The following DCLK1 variants were observed in gnomAD, a reference collection of about 807,000 sequenced individuals.
DCLK1 encodes the protein doublecortin like kinase 1.
DCLK1 carries 16 observed loss-of-function variants against 86.2 expected under a neutral mutation model. That is an observed-to-expected ratio of 0.19 (90% CI 0.13 to 0.28). The LOEUF (loss-of-function observed/expected upper bound fraction) is 0.28, where lower values mean the gene tolerates loss of function less well. DCLK1 is among the 10% of genes least tolerant of loss of function. The pLI, the probability that DCLK1 is intolerant of heterozygous loss-of-function variation, is 1.00. For missense variants in DCLK1, 590 were observed against 940.2 expected (o/e 0.63, Z 4.87); for synonymous variants, 369 against 370.5 (o/e 1.00, Z 0.05).
chr13:35,839,201 T>A, intron 6 of DCLK1, 25 bp from the exon 7 acceptor site: 1 of 1,554,842 alleles, frequency 6.4e-7, no homozygotes, highest in Non-Finnish European at 8.7e-7. Context: ...AAACCGGTAA[T>A]TCAAAAACTG....
At chr13:35,848,356 T>G in intron 6 of DCLK1, 1 of 985,160 alleles carries the variant, frequency 1.0e-6, no homozygotes, top group African/African-American at 1.7e-5. Flanking sequence ...GAATTATGTT[T>G]TGCATAAAAA....
At chr13:35,828,189 C>T (rs1387287528) in intron 9 of DCLK1, 61 bp downstream of exon 9, 4 of 1,387,598 alleles carry the variant, frequency 2.9e-6, no homozygotes, top group African/African-American at 1.4e-5. Context: ...TGGGAGTGAT[C>T]TTTGTGTTTC....
chr13:35,895,513 T>C (rs1451164155), intron 4 of DCLK1, among the ~76,000 whole-genome samples: 3 of 152,192 alleles, frequency 2.0e-5, no homozygotes, highest in African/African-American at 4.8e-5. Flanking sequence ...CAATATGACA[T>C]GATGCACACG....
At chr13:35,890,617 G>A (rs1873584564) in intron 4 of DCLK1, among the ~76,000 whole-genome samples, 1 of 152,108 alleles carries the variant, frequency 6.6e-6, no homozygotes, top group Non-Finnish European at 1.5e-5. Context: ...ATCAATGAGG[G>A]CAGACTGACG....
In DCLK1 at chr13:35,774,433, G is replaced by A; in HGVS notation, c.*102C>T. On this transcript the variant is annotated 3_prime_UTR_variant, in exon 17 of 17. Coordinates refer to ENST00000360631, the MANE Select transcript of DCLK1 (RefSeq NM_001330071.2). The stretch of plus-strand genomic sequence containing the variant: ...CTTTCAGTTCTGCCATTCAAGCATT[G>A]AGCGCTAGATAGATCAGATGAAACT... 7.4e-6 allele frequency: 10 copies of A among 1,345,284 alleles called. No homozygotes were observed. The highest frequency in any genetic ancestry group is 1.0e-5 in the Non-Finnish European group (10 of 995,274). 83.3% of individuals were successfully genotyped at this position (1,345,284 alleles called of 1,614,324 possible).
At chr13:35,787,363 C>T (rs1314001509) in intron 16 of DCLK1, among the ~76,000 whole-genome samples, 1 of 151,836 alleles carries the variant, frequency 6.6e-6, no homozygotes, top group Non-Finnish European at 1.5e-5. Flanking sequence ...AACAGCCTCC[C>T]TAGAATTTCT....
chr13:36,107,862 GC>G (rs1262347398), intron 3 of DCLK1, among the ~76,000 whole-genome samples: 1 of 151,962 alleles, frequency 6.6e-6, no homozygotes, highest in Non-Finnish European at 1.5e-5. Context: ...ACTCCAAATG[GC>G]CTCTGGGAGT....
chr13:35,993,703 A>G lies in DCLK1; in HGVS notation c.724-46246T>C, dbSNP rs148319352. On this transcript the variant is annotated intron_variant, in intron 3 of 16. Transcript: ENST00000360631. ...TTCTGAATTACAAAGATTTACATACATGAGGAATTAGTTAACATTTTTTTG... is the reference window on the plus strand; with the variant it reads ...TTCTGAATTACAAAGATTTACATACGTGAGGAATTAGTTAACATTTTTTTG... Among the ~76,000 whole-genome samples, 373 of 152,294 alleles carry G rather than the reference A, an allele frequency of 2.4e-3. 3 individuals are homozygous for G. The highest frequency in any genetic ancestry group is 8.6e-3 in the African/African-American group (359 of 41,550).
intron 4 of DCLK1, among the ~76,000 whole-genome samples, chr13:35,895,064 C>T (rs76188020): frequency 0.048 from 7,275 of 152,128 alleles, 592 homozygotes; most frequent in African/African-American, 0.17. Flanking sequence ...CTCTAGCCTC[C>T]CCAGTAGCTG....
intron 11 of DCLK1, among the ~76,000 whole-genome samples, chr13:35,819,600 A>G (rs902635366): frequency 1.3e-5 from 2 of 152,160 alleles, no homozygotes; most frequent in East Asian, 3.8e-4. Flanking sequence ...ACGTAGTAAA[A>G]CAAAGTATGC....
Position 35,774,551 on chromosome 13 carries a change from G to T in DCLK1, c.2207C>A (p.Pro736His). 1 of 1,554,878 alleles carries T rather than the reference G, an allele frequency of 6.4e-7. No homozygotes were observed. The highest frequency in any genetic ancestry group is 8.7e-7 in the Non-Finnish European group (1 of 1,148,344). ...SPSSSETVRS[P>H]NSPF ...AGGGTCTTATTAAAAGGGCGAGTTAGGGGAGCGAACAGTCTCGGAGGAGCT... is the reference window on the plus strand; with the variant it reads ...AGGGTCTTATTAAAAGGGCGAGTTATGGGAGCGAACAGTCTCGGAGGAGCT... The change falls in exon 17 of 17, where the codon CCT becomes CAT. Residue 736 changes from proline (P) to histidine (H), a missense_variant. Physicochemically the swap from Pro to His is moderately conservative, Grantham distance 77 (BLOSUM62 -2). This residue lies in a region of DCLK1 where 146 missense variants were observed against 190.2 expected (regional missense o/e 0.77). Transcript: ENST00000360631.
At chr13:35,798,185 C>T (rs1307685617) in intron 15 of DCLK1, among the ~76,000 whole-genome samples, 1 of 152,118 alleles carries the variant, frequency 6.6e-6, no homozygotes, top group Non-Finnish European at 1.5e-5. Flanking sequence ...GCCTCCTGGT[C>T]TCCATTTCTC....
intron 3 of DCLK1, among the ~76,000 whole-genome samples, chr13:36,082,657 G>C (rs147096405): frequency 2.6e-5 from 4 of 152,176 alleles, no homozygotes; most frequent in East Asian, 3.8e-4. Flanking sequence ...CAGCTGAAAA[G>C]ATACAGTCCT....
intron 3 of DCLK1, among the ~76,000 whole-genome samples, chr13:35,950,193 A>G (rs1877591243): frequency 6.6e-6 from 1 of 152,230 alleles, no homozygotes; most frequent in Admixed American, 6.5e-5. Context: ...AAGTCTTCTT[A>G]AAGAGTTGAT....
chr13:35,928,695 T>C (rs937789430), intron 4 of DCLK1, among the ~76,000 whole-genome samples: 1 of 152,240 alleles, frequency 6.6e-6, no homozygotes, highest in Non-Finnish European at 1.5e-5. Flanking sequence ...CTAAGAGCAG[T>C]GCCTGCCCAT....
rs1871629790 is a variant in DCLK1 at position 35,864,400 on chromosome 13, C to G, written c.940+6824G>C. Among the ~76,000 whole-genome samples, 2 of 119,238 alleles carry G rather than the reference C, an allele frequency of 1.7e-5. 1 individual carries two copies. The highest frequency in any genetic ancestry group is 3.4e-5 in the Non-Finnish European group (2 of 58,876). 78.2% of individuals were successfully genotyped at this position (119,238 alleles called of 152,430 possible). ...CTAAAACGGTGAAACCCCGTCTCTA[C>G]TAAAAATACAAAAAATTAGCCGGGC... On this transcript the variant is annotated intron_variant, in intron 5 of 16. Coordinates refer to ENST00000360631, the MANE Select transcript of DCLK1 (RefSeq NM_001330071.2).
chr13:35,867,475 AG>A (rs1871878087), intron 5 of DCLK1, among the ~76,000 whole-genome samples: 1 of 152,208 alleles, frequency 6.6e-6, no homozygotes, highest in African/African-American at 2.4e-5. Context: ...CAATTCAACC[AG>A]GTTTCAACTA....
At chr13:36,044,841 G>A (rs1040080168) in intron 3 of DCLK1, among the ~76,000 whole-genome samples, 1 of 151,940 alleles carries the variant, frequency 6.6e-6, no homozygotes, top group Non-Finnish European at 1.5e-5. Flanking sequence ...TTTAAGAAAC[G>A]TGGAGGTAAA....
At chr13:35,966,761 C>A (rs1438360190) in intron 3 of DCLK1, among the ~76,000 whole-genome samples, 1 of 152,104 alleles carries the variant, frequency 6.6e-6, no homozygotes, top group Non-Finnish European at 1.5e-5. Context: ...CAGCCTCGGC[C>A]TCCTGAGGTG....
Sources: allele counts gnomAD v4.1 joint callset (sites outside exome capture counted in the v4.1 genomes callset), GRCh38; gene constraint gnomAD v4.1.1; regional missense constraint gnomAD v4.1.1; transcripts MANE v1.5; gene names NCBI Gene and HGNC (gene_info 2026-07-23, HGNC 2026-07-21).